TNS1: variants seen among roughly 807,000 people sequenced by gnomAD.
The protein encoded by TNS1 is tensin 1.
In TNS1, 62 loss-of-function variants were observed where a neutral mutation model predicts 168.6. That is an observed-to-expected ratio of 0.37 (90% confidence interval 0.30 to 0.45). TNS1 has a LOEUF of 0.45. Among genes scored for constraint, TNS1 ranks in the 20% least tolerant of loss-of-function variants. The probability of loss-of-function intolerance (pLI) is 1.00; values close to 1 mark genes in which losing one functional copy is unlikely to be tolerated. For missense variants in TNS1, 2,240 were observed against 2,339.4 expected (o/e 0.96, Z 0.88); for synonymous variants, 934 against 933.2 (o/e 1.00, Z -0.02).
At chr2:217,851,419 C>T (rs975583491) in intron 18 of TNS1, among the ~76,000 whole-genome samples, 4 of 149,090 alleles carry the variant, frequency 2.7e-5, no homozygotes, top group African/African-American at 1.0e-4. Flanking sequence ...AAAGATGCTC[C>T]ACCAGGCACT....
At chr2:217,837,928 G>A (rs905928914) in intron 19 of TNS1, among the ~76,000 whole-genome samples, 19 of 152,188 alleles carry the variant, frequency 1.2e-4, no homozygotes, top group East Asian at 1.9e-4. Flanking sequence ...TTAGCTCCCC[G>A]GAGCCCCCAT....
At chr2:217,920,258 G>A (rs1300396733) in intron 3 of TNS1, 22 bp from the exon 4 acceptor site, 1 of 702,952 alleles carries the variant, frequency 1.4e-6, no homozygotes, top group South Asian at 1.5e-5. Context: ...ACAGAGAACG[G>A]GCAGGTGAGC....
intron 17 of TNS1, 76 bp from the exon 18 acceptor site, chr2:217,881,090 CAG>C: frequency 9.3e-7 from 1 of 1,078,216 alleles, no homozygotes; most frequent in South Asian, 1.3e-5. Context: ...GCTGGAAAAA[CAG>C]AGAAAGCCCA....
At chr2:217,977,901 T>C (rs1321854833) in intron 3 of TNS1, among the ~76,000 whole-genome samples, 1 of 152,136 alleles carries the variant, frequency 6.6e-6, no homozygotes, top group Non-Finnish European at 1.5e-5. Context: ...CAAGCAACAA[T>C]GGCAGAAGGT....
At chr2:217,861,235 C>A (rs1308067685) in intron 18 of TNS1, among the ~76,000 whole-genome samples, 5 of 152,156 alleles carry the variant, frequency 3.3e-5, no homozygotes, top group Non-Finnish European at 7.3e-5. Context: ...CCTTACAGTG[C>A]CCGATGGAGT....
intron 3 of TNS1, among the ~76,000 whole-genome samples, chr2:217,941,214 G>C (rs1465468102): frequency 1.3e-5 from 2 of 152,212 alleles, no homozygotes; most frequent in African/African-American, 4.8e-5. Context: ...CTGGGCAGGG[G>C]TTCAAGATGC....
chr2:217,999,707 A>T (rs1205708038), intron 1 of TNS1, among the ~76,000 whole-genome samples: 2 of 152,252 alleles, frequency 1.3e-5, no homozygotes, highest in East Asian at 3.8e-4. Flanking sequence ...TGATGTCTGC[A>T]TGACCGGAAT....
chr2:218,007,574 G>C (rs1487692864), upstream of TNS1, among the ~76,000 whole-genome samples: 1 of 129,230 alleles, frequency 7.7e-6, no homozygotes, highest in Non-Finnish European at 1.6e-5. Flanking sequence ...GGTGGGGGGG[G>C]GGGTTCAGCC....
At chr2:217,883,234 T>A (rs1950853155) in intron 16 of TNS1, among the ~76,000 whole-genome samples, 2 of 152,218 alleles carry the variant, frequency 1.3e-5, no homozygotes, top group Non-Finnish European at 2.9e-5. Flanking sequence ...TGATTATCTT[T>A]GAAACTTTAA....
At chr2:217,942,213 G>T (rs1394513531) in intron 3 of TNS1, among the ~76,000 whole-genome samples, 7 of 152,162 alleles carry the variant, frequency 4.6e-5, no homozygotes. Context: ...GTCCCAGGTT[G>T]CCTCCTCCAC....
At chr2:217,911,930 A>G (rs1396498928) in intron 4 of TNS1, among the ~76,000 whole-genome samples, 1 of 152,258 alleles carries the variant, frequency 6.6e-6, no homozygotes, top group Non-Finnish European at 1.5e-5. Context: ...AAAGAATAGG[A>G]ACTGGGCTGC....
chr2:217,821,315 G>A (rs34681173), intron 23 of TNS1, among the ~76,000 whole-genome samples: 12,160 of 152,152 alleles, frequency 0.08, 520 homozygotes, highest in South Asian at 0.12. Flanking sequence ...TGAAAAGTGG[G>A]AACAATAATA....
chr2:217,917,060 T>A (rs902985035), intron 4 of TNS1, among the ~76,000 whole-genome samples: 1 of 152,220 alleles, frequency 6.6e-6, no homozygotes, highest in African/African-American at 2.4e-5. Flanking sequence ...AAACAGGTGC[T>A]GAGTGCTCCT....
chr2:217,848,225 G>C lies in TNS1; in HGVS notation c.2292C>G (p.Ser764Arg). 6.3e-7 allele frequency: 1 copy of C among 1,582,426 alleles called. No individual in the cohort carries two copies. The highest frequency in any genetic ancestry group is 8.6e-7 in the Non-Finnish European group (1 of 1,165,014). Residue 764 changes from serine to arginine, a missense_variant, in exon 19 of 33, where the codon AGC (serine) becomes AGG (arginine). By Grantham distance (110) the Ser-to-Arg change is moderately radical. Coordinates refer to ENST00000682258, the MANE Select transcript of TNS1 (RefSeq NM_001387777.1). ...TCAGTCCCCTTTGCACAGCCTCCCG[G>C]CTGCTTCCCCCTCGGACCGGAGCTG... ...LPPAPVRGGS[S>R]REAVQRGLNS...
chr2:218,008,498 C>T (rs1306707688), intron 1 of TNS1, among the ~76,000 whole-genome samples: 1 of 152,240 alleles, frequency 6.6e-6, no homozygotes, highest in African/African-American at 2.4e-5. Context: ...ATCCAGACTC[C>T]ATGGCATCTG....
intron 4 of TNS1, among the ~76,000 whole-genome samples, chr2:217,912,164 G>A (rs1187819159): frequency 3.9e-5 from 6 of 152,240 alleles, no homozygotes; most frequent in East Asian, 1.9e-4. Context: ...CTGCCAGGAC[G>A]GCCTAGAGGC....
At chr2:217,959,283 T>G (rs563242438) in intron 3 of TNS1, among the ~76,000 whole-genome samples, 4 of 152,248 alleles carry the variant, frequency 2.6e-5, no homozygotes, top group African/African-American at 9.6e-5. Context: ...ACAACTCACA[T>G]AAAGCACTTA....
chr2:217,819,902 T>C (rs935950952), intron 23 of TNS1, among the ~76,000 whole-genome samples: 3 of 152,058 alleles, frequency 2.0e-5, no homozygotes, highest in Admixed American at 1.3e-4. Flanking sequence ...AAGGATCTTG[T>C]TGTGGGCTGG....
chr2:217,960,936 GA>G (rs952305436), intron 3 of TNS1, among the ~76,000 whole-genome samples: 1 of 152,070 alleles, frequency 6.6e-6, no homozygotes, highest in African/African-American at 2.4e-5. Context: ...TCTCCTCGTG[GA>G]AAAAAGGAAA....
Sources: allele counts gnomAD v4.1 joint callset (sites outside exome capture counted in the v4.1 genomes callset), GRCh38; gene constraint gnomAD v4.1.1; transcripts MANE v1.5; gene names NCBI Gene and HGNC (gene_info 2026-07-23, HGNC 2026-07-21).